The following ZC3H3 variants were observed in gnomAD, a reference collection of about 807,000 sequenced individuals.
ZC3H3 encodes zinc finger CCCH domain-containing protein 3.
In ZC3H3, 36 loss-of-function variants were observed where a neutral mutation model predicts 77.3. The ratio of observed to expected loss-of-function variants is 0.47; its 90% CI spans 0.36 to 0.61. The LOEUF (loss-of-function observed/expected upper bound fraction) is 0.61. ZC3H3 is among the 20% of genes least tolerant of loss of function. The pLI is 0.00. For missense variants in ZC3H3, 1,331 were observed against 1,312.2 expected, an observed-to-expected ratio of 1.01 and a Z score of -0.22; for synonymous variants, 626 against 555.2, an observed-to-expected ratio of 1.13 and a Z score of -1.79.
intron 9 of ZC3H3, among the ~76,000 whole-genome samples, chr8:143,456,575 A>G (rs531128948): frequency 1.4e-4 from 22 of 152,360 alleles, no homozygotes; most frequent in Non-Finnish European, 2.1e-4. Context: ...ATAATAAAAG[A>G]GTAAATCGAT....
At chr8:143,451,005 G>A (rs1819974369) in intron 9 of ZC3H3, among the ~76,000 whole-genome samples, 1 of 152,130 alleles carries the variant, frequency 6.6e-6, no homozygotes, top group South Asian at 2.1e-4. Flanking sequence ...TAAGTGACTG[G>A]ATGCTTTCTA....
chr8:143,463,057 C>T (rs1424591901), intron 9 of ZC3H3, among the ~76,000 whole-genome samples: 1 of 151,202 alleles, frequency 6.6e-6, no homozygotes, highest in African/African-American at 2.4e-5. Context: ...AATCTCAGCT[C>T]ACCACAACCT....
At chr8:143,539,467 G>A in intron 1 of ZC3H3, 147 bp from the exon 2 acceptor site, 1 of 859,880 alleles carries the variant, frequency 1.2e-6, no homozygotes, top group East Asian at 2.7e-5. Flanking sequence ...AGCCCCCAGA[G>A]CCTGGGACTC....
At chr8:143,482,545 CAG>C (rs1442260560) in intron 4 of ZC3H3, among the ~76,000 whole-genome samples, 5 of 152,140 alleles carry the variant, frequency 3.3e-5, no homozygotes, top group Non-Finnish European at 7.4e-5. Flanking sequence ...AGACCTGTGG[CAG>C]AGAGGTGGCT....
intron 4 of ZC3H3, among the ~76,000 whole-genome samples, chr8:143,496,222 C>T (rs934565244): frequency 6.6e-6 from 1 of 152,182 alleles, no homozygotes; most frequent in Non-Finnish European, 1.5e-5. Context: ...AGACACTCAA[C>T]GCCCTTGTTC....
chr8:143,522,590 G>A (rs928170253), intron 3 of ZC3H3, among the ~76,000 whole-genome samples: 4 of 150,016 alleles, frequency 2.7e-5, no homozygotes, highest in Admixed American at 6.7e-5. Context: ...AGGGAAGAGA[G>A]CAAGACTCTC....
intron 3 of ZC3H3, among the ~76,000 whole-genome samples, chr8:143,511,545 T>C (rs1327902158): frequency 2.0e-5 from 3 of 152,216 alleles, no homozygotes; most frequent in Non-Finnish European, 4.4e-5. Context: ...ACCACTTCAC[T>C]GTCCAGCCCA....
intron 4 of ZC3H3, among the ~76,000 whole-genome samples, chr8:143,502,907 G>A (rs1452896003): frequency 6.6e-6 from 1 of 152,224 alleles, no homozygotes; most frequent in Non-Finnish European, 1.5e-5. Flanking sequence ...AGCAGTCCTG[G>A]GGCCCGGGGG....
intron 3 of ZC3H3, among the ~76,000 whole-genome samples, chr8:143,535,779 G>C (rs1197409073): frequency 1.3e-5 from 2 of 152,240 alleles, no homozygotes; most frequent in Admixed American, 6.5e-5. Context: ...TACAGCAGGA[G>C]ACCAGACCAA....
chr8:143,469,004 G>C (rs890030406), intron 5 of ZC3H3, among the ~76,000 whole-genome samples: 9 of 152,300 alleles, frequency 5.9e-5, no homozygotes, highest in African/African-American at 1.9e-4. Context: ...GGAGACGCCC[G>C]CCTGTCCCTG....
chr8:143,440,882 A>T (rs1819722509), intron 10 of ZC3H3, 54 bp downstream of exon 10: 2 of 1,353,354 alleles, frequency 1.5e-6, no homozygotes, highest in Non-Finnish European at 1.9e-6. Context: ...GCATCTCCCC[A>T]GACAGGGAGG....
In ZC3H3 at chr8:143,533,750, G is replaced by A. The variant is rs918050398; in HGVS notation, c.1561+2507C>T. Among the ~76,000 whole-genome samples the A allele has an allele frequency of 2.0e-5, 3 of 148,340 alleles. No homozygotes were observed. The highest frequency in any genetic ancestry group is 6.8e-5 in the Admixed American group (1 of 14,682). On this transcript the variant is annotated intron_variant, in intron 3 of 11. Transcript: ENST00000262577. This position sits in a 1 kb window ranked among gnomAD's most constrained non-coding sequence, Gnocchi z 4.0. ...CGCCCAGGCTGGAGTACAATGGCACGATCTAACCTCTGCCTCCTGGGTTCA... is the reference window on the plus strand; with the variant it reads ...CGCCCAGGCTGGAGTACAATGGCACAATCTAACCTCTGCCTCCTGGGTTCA...
At chr8:143,512,262 T>C (rs367896625) in intron 3 of ZC3H3, among the ~76,000 whole-genome samples, 1 of 152,202 alleles carries the variant, frequency 6.6e-6, no homozygotes, top group South Asian at 2.1e-4. Flanking sequence ...AGGCCCCCCA[T>C]CCCTAATTCC....
chr8:143,515,739 C>T (rs1298243693), intron 3 of ZC3H3, among the ~76,000 whole-genome samples: 2 of 152,234 alleles, frequency 1.3e-5, no homozygotes, highest in African/African-American at 4.8e-5. Flanking sequence ...AGGAAGACAC[C>T]AGCCCACGAT....
chr8:143,475,425 C>T lies in ZC3H3; in HGVS notation c.1876G>A (p.Ala626Thr), dbSNP rs763733445. The T allele has an allele frequency of 8.9e-5, 144 of 1,612,970 alleles. No individual in the cohort carries two copies. Among genetic ancestry groups the T allele is most frequent in the Non-Finnish European group, 1.1e-4 (128 of 1,179,906 alleles). Residue 626 changes from alanine to threonine, a missense_variant, in exon 5 of 12, where the codon GCG (alanine) becomes ACG (threonine). By Grantham distance (58) the Ala-to-Thr change is moderately conservative (BLOSUM62 0). Transcript: ENST00000262577. Reference protein sequence around the residue: ...LSKTSGQPSDAGSRPLLRTGR... With the variant: ...LSKTSGQPSDTGSRPLLRTGR... ...GTGCGCAGGAGGGGCCTGCTGCCCG[C>T]ATCACTGGGCTGGCCGGAGGTCTTG...
At chr8:143,517,977 A>C (rs1420309283) in intron 3 of ZC3H3, among the ~76,000 whole-genome samples, 1 of 152,164 alleles carries the variant, frequency 6.6e-6, no homozygotes, top group Non-Finnish European at 1.5e-5. Context: ...AGGCACGGCC[A>C]AGCCCCGAGG....
chr8:143,483,777 C>T (rs1026850895), intron 4 of ZC3H3, among the ~76,000 whole-genome samples: 1 of 152,226 alleles, frequency 6.6e-6, no homozygotes, highest in Non-Finnish European at 1.5e-5. Flanking sequence ...GCCCCCTATC[C>T]TCCAAACCCC....
chr8:143,506,414 C>G (rs922064961), intron 4 of ZC3H3, among the ~76,000 whole-genome samples: 16 of 152,056 alleles, frequency 1.1e-4, no homozygotes, highest in African/African-American at 3.6e-4. Flanking sequence ...TCATGACTCC[C>G]GATCACAGTG....
rs554546815 is a variant in ZC3H3 at position 143,534,988 on chromosome 8, C to A, written c.1561+1269G>T. Among the ~76,000 whole-genome samples, 6 of 152,188 alleles carry A rather than the reference C, an allele frequency of 3.9e-5. No homozygotes were observed. In the South Asian group the frequency reaches 1.2e-3, roughly 32 times the overall value. ...CCCCCACACGGCTCTTGGGTCTGCC[C>A]AGGCCCAGCTCCTTCCAGAGCCGTC... is the stretch of plus-strand genomic sequence containing the variant. On this transcript the variant is annotated intron_variant, in intron 3 of 11. Coordinates refer to ENST00000262577, the MANE Select transcript of ZC3H3 (RefSeq NM_015117.3).
Sources: allele counts gnomAD v4.1 joint callset (sites outside exome capture counted in the v4.1 genomes callset), GRCh38; gene constraint gnomAD v4.1.1; non-coding constraint Gnocchi (gnomAD v3.1); transcripts MANE v1.5; gene names NCBI Gene and HGNC (gene_info 2026-07-23, HGNC 2026-07-21).